The following RAD51B variants were observed in gnomAD, a reference collection of about 807,000 sequenced individuals.
RAD51B encodes DNA repair protein RAD51 homolog 2.
RAD51B carries 38 observed loss-of-function variants against 42.2 expected under a neutral mutation model. That is an observed-to-expected ratio of 0.90 (90% confidence interval 0.70 to 1.18). The LOEUF is 1.18. Among genes scored for constraint, RAD51B ranks in the 50% most tolerant of loss-of-function variants. The pLI is 0.00. For synonymous variants in RAD51B, 154 were observed against 145.2 expected, an observed-to-expected ratio of 1.06 and a Z score of -0.43; for missense variants, 373 against 400.7, an observed-to-expected ratio of 0.93 and a Z score of 0.59.
intron 7 of RAD51B, among the ~76,000 whole-genome samples, chr14:67,912,194 C>T (rs2044006635): frequency 6.6e-6 from 1 of 152,014 alleles, no homozygotes; most frequent in South Asian, 2.1e-4. Flanking sequence ...ATTAGATTAT[C>T]GTTCTGTAAT....
intron 7 of RAD51B, among the ~76,000 whole-genome samples, chr14:68,000,044 T>C (rs1305852207): frequency 1.3e-5 from 2 of 152,048 alleles, no homozygotes; most frequent in Non-Finnish European, 2.9e-5. Context: ...GTAGTAGGAA[T>C]GTAAAAATGA....
chr14:68,437,141 T>C (rs2085166036), intron 9 of RAD51B, among the ~76,000 whole-genome samples: 1 of 152,200 alleles, frequency 6.6e-6, no homozygotes, highest in Non-Finnish European at 1.5e-5. Flanking sequence ...CAGTATGATG[T>C]TGGCTGTGGG....
intron 7 of RAD51B, among the ~76,000 whole-genome samples, chr14:67,989,023 A>G (rs1416821998): frequency 6.6e-6 from 1 of 152,204 alleles, no homozygotes; most frequent in African/African-American, 2.4e-5. Flanking sequence ...CCTATACAAT[A>G]AGTATTAGGA....
chr14:67,967,205 C>T (rs1595179246), intron 7 of RAD51B, among the ~76,000 whole-genome samples: 2 of 152,298 alleles, frequency 1.3e-5, no homozygotes, highest in Admixed American at 1.3e-4. Context: ...CCCCATGATT[C>T]AAACTATCTT....
At chr14:68,648,042 C>T (rs910160884) in intron 10 of RAD51B, among the ~76,000 whole-genome samples, 2 of 71,472 alleles carry the variant, frequency 2.8e-5, no homozygotes, top group Non-Finnish European at 5.7e-5. Flanking sequence ...TATATACACA[C>T]GTATATAGAT....
chr14:67,861,558 A>G (rs1370792699), intron 4 of RAD51B, among the ~76,000 whole-genome samples: 3 of 150,556 alleles, frequency 2.0e-5, no homozygotes, highest in African/African-American at 7.4e-5. Context: ...CCTGGGCAAC[A>G]GAGTGAGAAC....
At chr14:68,267,753 CTGAGT>C (rs2081021153) in intron 7 of RAD51B, among the ~76,000 whole-genome samples, 1 of 152,216 alleles carries the variant, frequency 6.6e-6, no homozygotes, top group Non-Finnish European at 1.5e-5. Context: ...GCTGATATAT[CTGAGT>C]TAACATCAGA....
At chr14:68,585,904 C>T (rs1428388274) in intron 10 of RAD51B, among the ~76,000 whole-genome samples, 4 of 152,104 alleles carry the variant, frequency 2.6e-5, no homozygotes, top group Admixed American at 6.6e-5. Context: ...ACAACTCAGC[C>T]CACGGGGGTT....
intron 7 of RAD51B, among the ~76,000 whole-genome samples, chr14:67,907,773 AG>A (rs1473436615): frequency 6.6e-6 from 1 of 151,484 alleles, no homozygotes; most frequent in Admixed American, 6.6e-5. Context: ...GTAGAAAGAA[AG>A]TATTAAACAG....
chr14:68,431,791 T>C (rs2085015455), intron 9 of RAD51B, among the ~76,000 whole-genome samples: 1 of 152,252 alleles, frequency 6.6e-6, no homozygotes, highest in African/African-American at 2.4e-5. Context: ...TGCCTTCTGC[T>C]AGCTTTTGAA....
intron 10 of RAD51B, among the ~76,000 whole-genome samples, chr14:68,537,331 T>C (rs990174095): frequency 7.9e-5 from 12 of 151,624 alleles, no homozygotes; most frequent in African/African-American, 2.9e-4. Flanking sequence ...ACCCCGTCTC[T>C]ACTAAAAATA....
At chr14:68,602,902 A>C (rs1300751848) in intron 10 of RAD51B, among the ~76,000 whole-genome samples, 1 of 152,170 alleles carries the variant, frequency 6.6e-6, no homozygotes, top group Admixed American at 6.5e-5. Context: ...CTCTCACCAC[A>C]ATGCTTCCCT....
intron 8 of RAD51B, among the ~76,000 whole-genome samples, chr14:68,324,883 A>G (rs2082220816): frequency 6.6e-6 from 1 of 152,204 alleles, no homozygotes; most frequent in African/African-American, 2.4e-5. Context: ...ATTAATGCAA[A>G]TGAGGCTTTA....
At chr14:68,052,764 G>A (rs2076414316) in intron 7 of RAD51B, among the ~76,000 whole-genome samples, 1 of 151,252 alleles carries the variant, frequency 6.6e-6, no homozygotes, top group Admixed American at 6.6e-5. Context: ...GGGACTATGG[G>A]TGTGTGCCAC....
At chr14:67,962,547 T>C (rs1271764441) in intron 7 of RAD51B, among the ~76,000 whole-genome samples, 4 of 152,316 alleles carry the variant, frequency 2.6e-5, no homozygotes, top group South Asian at 4.1e-4. Flanking sequence ...ACAGGAGCTA[T>C]GTCAACACAG....
In RAD51B at chr14:68,075,714, G is replaced by C. The variant is rs548149280; in HGVS notation, c.756+188510G>C. Among the ~76,000 whole-genome samples, 9 of 152,334 alleles carry C rather than the reference G, an allele frequency of 5.9e-5. No homozygotes were observed. The South Asian group carries it at 8.3e-4, about 14-fold the overall frequency. On this transcript the variant is annotated intron_variant, in intron 7 of 10. Transcript: ENST00000471583. ...ATTGCCAGTGGGAATTTTCAGCCAGGGGGTGGGATAGCTGCTTTGTGGGTC... is the reference window on the plus strand; with the variant it reads ...ATTGCCAGTGGGAATTTTCAGCCAGCGGGTGGGATAGCTGCTTTGTGGGTC...
intron 7 of RAD51B, among the ~76,000 whole-genome samples, chr14:68,120,759 T>A (rs1428612508): frequency 6.6e-6 from 1 of 152,082 alleles, no homozygotes; most frequent in Non-Finnish European, 1.5e-5. Flanking sequence ...TCTGCTATCC[T>A]CCCAACTCTC....
At chr14:68,061,004 G>T (rs2076557818) in intron 7 of RAD51B, among the ~76,000 whole-genome samples, 1 of 148,520 alleles carries the variant, frequency 6.7e-6, no homozygotes, top group East Asian at 2.0e-4. Context: ...GTAGCATGAT[G>T]CCTCAAGCTT....
chr14:68,156,895 A>G (rs2078523606), intron 7 of RAD51B, among the ~76,000 whole-genome samples: 1 of 152,106 alleles, frequency 6.6e-6, no homozygotes, highest in African/African-American at 2.4e-5. Flanking sequence ...AGAGGATATC[A>G]TCCATTTAAA....
Sources: gnomAD v4.1 joint callset for allele counts (sites outside exome capture counted in the v4.1 genomes callset) on GRCh38, gnomAD v4.1.1 for gene constraint, MANE v1.5 for transcripts, NCBI Gene and HGNC (gene_info 2026-07-23, HGNC 2026-07-21) for gene names.